Variants in GLG1 observed in about 807,000 individuals in gnomAD.
GLG1 encodes the protein golgi glycoprotein 1, also known as Golgi apparatus protein 1.
In GLG1, 38 loss-of-function variants were observed where a neutral mutation model predicts 160.5. The ratio of observed to expected loss-of-function variants is 0.24; its 90% CI spans 0.18 to 0.31. GLG1 has a LOEUF of 0.31. Ranked by LOEUF, GLG1 falls within the 10% of genes least tolerant of loss-of-function variation. GLG1 has a pLI of 1.00. For missense variants in GLG1, 1,373 were observed against 1,505.2 expected (o/e 0.91, Z 1.45); for synonymous variants, 644 against 543.4 (o/e 1.19, Z -2.57).
intron 2 of GLG1, among the ~76,000 whole-genome samples, chr16:74,521,809 T>C (rs2143558098): frequency 6.6e-6 from 1 of 152,256 alleles, no homozygotes; most frequent in Non-Finnish European, 1.5e-5. Flanking sequence ...TCTGGAGGCA[T>C]TTTCTCCCCA....
intron 2 of GLG1, 139 bp downstream of exon 2, chr16:74,531,982 A>G (rs546372684): frequency 3.9e-4 from 162 of 415,158 alleles, no homozygotes; most frequent in African/African-American, 2.1e-3. Flanking sequence ...TTTTACCAGC[A>G]TCCTTAAAGT....
chr16:74,455,567 C>A (rs2014504780), intron 25 of GLG1, among the ~76,000 whole-genome samples: 1 of 152,196 alleles, frequency 6.6e-6, no homozygotes, highest in Admixed American at 6.5e-5. Flanking sequence ...CAGACAGGAG[C>A]CCTCCCTTGT....
At chr16:74,458,138 G>A (rs2014635299) in intron 23 of GLG1, 144 bp from the exon 24 acceptor site, 6 of 678,036 alleles carry the variant, frequency 8.8e-6, no homozygotes, top group Non-Finnish European at 1.5e-5. Flanking sequence ...GTTGCAAGGT[G>A]GTGATGATGT....
chr16:74,568,128 T>C (rs1314262221), intron 1 of GLG1, among the ~76,000 whole-genome samples: 1 of 152,166 alleles, frequency 6.6e-6, no homozygotes, highest in African/African-American at 2.4e-5. Context: ...TTTGGCCACC[T>C]TGCCACAACG....
rs140247552 is a variant in GLG1 at position 74,523,675 on chromosome 16, T to C, written c.471+8446A>G. Among the ~76,000 whole-genome samples, 591 of 152,170 alleles carry C rather than the reference T, an allele frequency of 3.9e-3. 23 individuals carry two copies. The East Asian group carries it at 0.1, about 26-fold the overall frequency. Reference sequence around the variant, plus strand: ...TTTTGTTAGATTTATTCTTAAGTATTTGATGCTTTACATGTTACTTTAAAA... The same window carrying C: ...TTTTGTTAGATTTATTCTTAAGTATCTGATGCTTTACATGTTACTTTAAAA... On this transcript the variant is annotated intron_variant, in intron 2 of 25. Coordinates refer to ENST00000422840, the MANE Select transcript of GLG1 (RefSeq NM_001145667.2).
chr16:74,578,451 G>C (rs1957864307), intron 1 of GLG1, among the ~76,000 whole-genome samples: 1 of 152,094 alleles, frequency 6.6e-6, no homozygotes, highest in Non-Finnish European at 1.5e-5. Context: ...CTTGTAATAA[G>C]TCAACGGATA....
At chr16:74,496,249 C>G (rs996364973) in intron 5 of GLG1, among the ~76,000 whole-genome samples, 192 bp downstream of exon 5, 1 of 152,108 alleles carries the variant, frequency 6.6e-6, no homozygotes, top group African/African-American at 2.4e-5. Flanking sequence ...GCCTGGGCAC[C>G]ACAGCAAGAT....
At position 74,574,883 on chromosome 16, in the gene GLG1, CAAAAAAAA is replaced by C. The variant is rs531720341; in HGVS notation, c.438+31766_438+31773del. On this transcript the variant is annotated intron_variant, in intron 1 of 25. Coordinates refer to ENST00000422840, the MANE Select transcript of GLG1 (RefSeq NM_001145667.2). The stretch of plus-strand genomic sequence containing the variant: ...TGGGTAAGAGAGCAAGACTCTGTCT[CAAAAAAAA>C]AAAAAAAAAAAAAAAAAAAAAAGAC... Among the ~76,000 whole-genome samples the C allele has an allele frequency of 3.3e-3, 81 of 24,792 alleles. No individual in the cohort carries two copies. In the East Asian group the frequency reaches 0.038, roughly 12 times the overall value. 16.3% of individuals were successfully genotyped at this position (24,792 alleles called of 152,430 possible). A position where few individuals can be genotyped will look rare whatever the true frequency, so the allele number is the denominator to read the frequency against.
chr16:74,549,270 A>G (rs1336580266), intron 1 of GLG1, among the ~76,000 whole-genome samples: 2 of 152,056 alleles, frequency 1.3e-5, no homozygotes. Flanking sequence ...CTGTTTACAT[A>G]TTCCTTGCAG....
intron 1 of GLG1, among the ~76,000 whole-genome samples, chr16:74,565,384 A>C (rs903360126): frequency 6.6e-6 from 1 of 152,226 alleles, no homozygotes; most frequent in Non-Finnish European, 1.5e-5. Flanking sequence ...GGGAATTGTT[A>C]AAGTTAGCCT....
At chr16:74,474,445 A>T in intron 13 of GLG1, 101 bp downstream of exon 13, 1 of 717,902 alleles carries the variant, frequency 1.4e-6, no homozygotes. Context: ...GATTGACAGA[A>T]AATCTGCACT....
At chr16:74,563,095 G>A (rs903740162) in intron 1 of GLG1, 1 of 152,232 alleles carries the variant, frequency 6.6e-6, no homozygotes, top group African/African-American at 2.4e-5. Flanking sequence ...CTGTCATCAT[G>A]AGACTCTTAC....
intron 2 of GLG1, among the ~76,000 whole-genome samples, chr16:74,513,869 T>C (rs1327220163): frequency 1.3e-5 from 2 of 151,942 alleles, no homozygotes; most frequent in Non-Finnish European, 2.9e-5. Context: ...TTCTAACCCA[T>C]CAAAAGGAAG....
At chr16:74,590,292 C>T (rs911693799) in intron 1 of GLG1, among the ~76,000 whole-genome samples, 1 of 152,014 alleles carries the variant, frequency 6.6e-6, no homozygotes. Flanking sequence ...AGCCACCGTG[C>T]CTAGCCGATA....
At chr16:74,490,712 G>A (rs2015951119) in intron 8 of GLG1, among the ~76,000 whole-genome samples, 1 of 152,200 alleles carries the variant, frequency 6.6e-6, no homozygotes, top group Non-Finnish European at 1.5e-5. Context: ...AGGAAATCCA[G>A]TCTAGCAAGC....
chr16:74,577,630 T>A (rs770566910), intron 1 of GLG1, among the ~76,000 whole-genome samples: 25 of 152,068 alleles, frequency 1.6e-4, no homozygotes, highest in Non-Finnish European at 3.4e-4. Context: ...TTTATTTTTT[T>A]GGAGACATTG....
chr16:74,462,495 G>C lies in GLG1; in HGVS notation c.2927C>G (p.Ala976Gly). 6.2e-7 allele frequency: 1 copy of C among 1,613,530 alleles called. No homozygotes were observed. The highest frequency in any genetic ancestry group is 8.5e-7 in the Non-Finnish European group (1 of 1,179,438). Residue 976 changes from alanine (A) to glycine (G), a missense_variant, in exon 21 of 26, where the codon GCT becomes GGT. Around this residue, in one of 4 missense-constraint regions of GLG1, gnomAD observed 491 missense variants for 632.1 expected, o/e 0.78. Coordinates refer to ENST00000422840, the MANE Select transcript of GLG1 (RefSeq NM_001145667.2). ...GAGCCCAGGCCAGTTTACCTGGTCA[G>C]CATATCTCAGCTTCAGGCAAGAGAT... The part of the protein sequence containing the change: ...QVISCLKLRY[A>G]DQRLSSDCED...
chr16:74,544,162 A>G lies in GLG1; in HGVS notation c.439-12009T>C, dbSNP rs551455180. On this transcript the variant is annotated intron_variant, in intron 1 of 25. Coordinates refer to ENST00000422840, the MANE Select transcript of GLG1 (RefSeq NM_001145667.2). ...TTCATCTCCATTAACGGAAAAACAA[A>G]GAAGACTCCTAAGTACTTCTAAGCA... is the stretch of plus-strand genomic sequence containing the variant. Among the ~76,000 whole-genome samples the G allele has an allele frequency of 1.1e-4, 16 of 152,364 alleles. No homozygotes were observed. The South Asian group carries it at 3.3e-3, about 32-fold the overall frequency.
At chr16:74,595,921 C>G (rs919096396) in intron 1 of GLG1, among the ~76,000 whole-genome samples, 7 of 151,916 alleles carry the variant, frequency 4.6e-5, no homozygotes, top group East Asian at 1.9e-4. Context: ...GTCAGGAGTT[C>G]GAGATCAGCC....
Sources: allele counts gnomAD v4.1 joint callset (sites outside exome capture counted in the v4.1 genomes callset), GRCh38; gene constraint gnomAD v4.1.1; regional missense constraint gnomAD v4.1.1; transcripts MANE v1.5; gene names NCBI Gene and HGNC (gene_info 2026-07-23, HGNC 2026-07-21).